Variants in TENM2 observed in about 807,000 individuals in gnomAD.
The protein encoded by TENM2 is teneurin-2.
Under a neutral mutation model 245.2 loss-of-function variants are expected in TENM2, and 52 were observed. The observed-to-expected ratio is 0.21, with a 90% CI of 0.17 to 0.27. The LOEUF (loss-of-function observed/expected upper bound fraction) is 0.27, where lower values mean the gene tolerates loss of function less well. Ranked by LOEUF, TENM2 falls within the 10% of genes least tolerant of loss-of-function variation. The pLI, the probability that TENM2 is intolerant of heterozygous loss-of-function variation, is 1.00. For missense variants in TENM2, 3,046 were observed against 3,666.8 expected, an observed-to-expected ratio of 0.83 and a Z score of 4.37; for synonymous variants, 1,363 against 1,438.9, an observed-to-expected ratio of 0.95 and a Z score of 1.19.
At chr5:168,064,691 A>C (rs1050762075) in intron 7 of TENM2, among the ~76,000 whole-genome samples, 3 of 152,186 alleles carry the variant, frequency 2.0e-5, no homozygotes, top group African/African-American at 7.2e-5. Flanking sequence ...AGACAGCCCC[A>C]TCGCACATTT....
chr5:167,980,291 G>T (rs1238574136), intron 4 of TENM2, among the ~76,000 whole-genome samples: 2 of 152,222 alleles, frequency 1.3e-5, no homozygotes, highest in African/African-American at 4.8e-5. Context: ...ACTGTTCTCA[G>T]CTGTAACCTT....
chr5:167,186,871 T>C, the TENM2 span, among the ~76,000 whole-genome samples: 2 of 152,202 alleles, frequency 1.3e-5, no homozygotes, highest in Admixed American at 6.5e-5. Context: ...TGGTGGTGTT[T>C]CCTTTCAAGG....
chr5:167,546,675 G>A lies in TENM2; in HGVS notation c.502+171202G>A, dbSNP rs571588404. On this transcript the variant is annotated intron_variant, in intron 2 of 28. Transcript: ENST00000518659. ...TAGTCTCATGATTTAGGTGTCCTAC[G>A]GAGAGAGGGTTGGCAGCGACTCCAG... Among the ~76,000 whole-genome samples the A allele has an allele frequency of 5.1e-4, 77 of 152,234 alleles. 1 individual carries two copies. Among genetic ancestry groups the A allele is most frequent in the South Asian group, 1.0e-3 (5 of 4,814 alleles).
At chr5:167,615,492 T>A (rs1455649867) in intron 2 of TENM2, among the ~76,000 whole-genome samples, 1 of 152,158 alleles carries the variant, frequency 6.6e-6, no homozygotes, top group African/African-American at 2.4e-5. Flanking sequence ...TTTATTGTAT[T>A]TTTTACCTCT....
intron 1 of TENM2, among the ~76,000 whole-genome samples, chr5:167,353,608 C>T (rs560013318): frequency 1.6e-3 from 226 of 141,472 alleles, no homozygotes; most frequent in Non-Finnish European, 2.8e-3. Flanking sequence ...CCCGGGTTCA[C>T]GCCATTCTCC....
chr5:167,758,747 A>G (rs974301857), intron 2 of TENM2, among the ~76,000 whole-genome samples: 13 of 152,074 alleles, frequency 8.5e-5, no homozygotes, highest in Admixed American at 2.6e-4. Context: ...TTCTCGAGCC[A>G]TGCACACTGA....
chr5:167,394,185 A>G (rs1273700716), intron 2 of TENM2, among the ~76,000 whole-genome samples: 1 of 152,184 alleles, frequency 6.6e-6, no homozygotes, highest in African/African-American at 2.4e-5. Context: ...GTCATGTTCA[A>G]GAAATCTTTG....
At chr5:167,535,525 A>G (rs1055474738) in intron 2 of TENM2, among the ~76,000 whole-genome samples, 6 of 152,188 alleles carry the variant, frequency 3.9e-5, no homozygotes, top group Non-Finnish European at 7.3e-5. Flanking sequence ...GTGAAACTTT[A>G]TTCTCATTGT....
chr5:167,847,674 A>AT (rs1356822868), intron 2 of TENM2, among the ~76,000 whole-genome samples: 2 of 152,206 alleles, frequency 1.3e-5, no homozygotes, highest in African/African-American at 4.8e-5. Context: ...TTCAATACAG[A>AT]TGTTCATTTT....
intron 2 of TENM2, among the ~76,000 whole-genome samples, chr5:167,433,473 T>A (rs1376761234): frequency 2.0e-5 from 3 of 152,166 alleles, no homozygotes; most frequent in Non-Finnish European, 4.4e-5. Context: ...TGTTACTCTT[T>A]CAAAGATTAT....
At chr5:167,996,719 T>TTTG (rs113308061) in intron 5 of TENM2, among the ~76,000 whole-genome samples, 71 of 150,986 alleles carry the variant, frequency 4.7e-4, no homozygotes, top group Admixed American at 1.2e-3. Flanking sequence ...TTGAATCACT[T>TTTG]TTTGTTTGTT....
chr5:167,475,243 A>G (rs936225813), intron 2 of TENM2, among the ~76,000 whole-genome samples: 1 of 152,198 alleles, frequency 6.6e-6, no homozygotes, highest in Non-Finnish European at 1.5e-5. Context: ...AGAATATCAC[A>G]TGTACCTAGA....
chr5:167,806,143 G>C (rs1057175292), intron 2 of TENM2, among the ~76,000 whole-genome samples: 2 of 152,134 alleles, frequency 1.3e-5, no homozygotes, highest in African/African-American at 2.4e-5. Flanking sequence ...GAGTCACCTA[G>C]TGTCTCCACA....
chr5:167,103,265 C>T, the TENM2 span, among the ~76,000 whole-genome samples: 1 of 152,110 alleles, frequency 6.6e-6, no homozygotes, highest in Non-Finnish European at 1.5e-5. Flanking sequence ...CATCTGAGAA[C>T]CAAAGGAGCA....
At chr5:167,776,612 A>AAAAAAC (rs1763808672) in intron 2 of TENM2, among the ~76,000 whole-genome samples, 1 of 98,452 alleles carries the variant, frequency 1.0e-5, no homozygotes, top group Admixed American at 1.3e-4. Context: ...AAAAAAAAAA[A>AAAAAAC]AAAAAAAAAA....
At chr5:167,544,955 G>A (rs1030373030) in intron 2 of TENM2, among the ~76,000 whole-genome samples, 1 of 152,134 alleles carries the variant, frequency 6.6e-6, no homozygotes, top group Non-Finnish European at 1.5e-5. Flanking sequence ...TAATATAGCA[G>A]CGTCCAAATA....
chr5:167,496,946 G>T (rs575874745), intron 2 of TENM2, among the ~76,000 whole-genome samples: 1 of 151,736 alleles, frequency 6.6e-6, no homozygotes, highest in Non-Finnish European at 1.5e-5. Flanking sequence ...TAAATTTGAA[G>T]ATTCTATCAA....
intron 2 of TENM2, among the ~76,000 whole-genome samples, chr5:167,401,814 T>C (rs1561926136): frequency 6.6e-6 from 1 of 152,172 alleles, no homozygotes. Flanking sequence ...GTATTATTGT[T>C]GGATAGTTAG....
chr5:167,959,204 T>C (rs1780801618), intron 4 of TENM2, among the ~76,000 whole-genome samples: 1 of 150,414 alleles, frequency 6.6e-6, no homozygotes, highest in Non-Finnish European at 1.5e-5. Flanking sequence ...TTTTTTTTTT[T>C]CTTTTTTTGA....
Sources: gnomAD v4.1 joint callset for allele counts (sites outside exome capture counted in the v4.1 genomes callset) on GRCh38, gnomAD v4.1.1 for gene constraint, MANE v1.5 for transcripts, NCBI Gene and HGNC (gene_info 2026-07-23, HGNC 2026-07-21) for gene names.